EVC: variants seen among roughly 807,000 people sequenced by gnomAD.
EVC encodes the protein EvC ciliary complex subunit 1.
In EVC, 116 loss-of-function variants were observed where a neutral mutation model predicts 118.9. The observed-to-expected ratio is 0.98, with a 90% CI of 0.84 to 1.14. The LOEUF is 1.14. Among genes scored for constraint, EVC ranks in the 50% most tolerant of loss-of-function variants. EVC has a pLI of 0.00. For synonymous variants in EVC, 619 were observed against 534.7 expected, an observed-to-expected ratio of 1.16 and a Z score of -2.18; for missense variants, 1,401 against 1,246.4, an observed-to-expected ratio of 1.12 and a Z score of -1.87.
intron 8 of EVC, 30 bp from the exon 9 acceptor site, chr4:5,752,806 A>G: frequency 8.7e-6 from 14 of 1,610,744 alleles, no homozygotes; most frequent in Non-Finnish European, 1.2e-5. Flanking sequence ...AGGACACCCC[A>G]GCTATGGTCC....
rs561020265 is a variant in EVC, at chr4:5,714,734, A to G, written c.174+3180A>G. On this transcript the variant is annotated intron_variant, in intron 1 of 20. Transcript: ENST00000264956. ...AGTTAAGGATCAGTTGTGGTCATGAATACCTTCTTTTCTTGCACAACATTT... is the reference window on the plus strand; with the variant it reads ...AGTTAAGGATCAGTTGTGGTCATGAGTACCTTCTTTTCTTGCACAACATTT... Among the ~76,000 whole-genome samples the G allele has an allele frequency of 2.0e-5, 3 of 152,300 alleles. No individual in the cohort carries two copies. The East Asian group carries it at 5.8e-4, about 29-fold the overall frequency.
At chr4:5,791,546 C>T (rs1054734684) in intron 12 of EVC, among the ~76,000 whole-genome samples, 5 of 152,096 alleles carry the variant, frequency 3.3e-5, no homozygotes, top group South Asian at 2.1e-4. Flanking sequence ...CTTATTTCTC[C>T]TTCTAGTCTG....
At chr4:5,825,745 A>G in the EVC span, 1 of 1,427,048 alleles carries the variant, frequency 7.0e-7, no homozygotes, top group Non-Finnish European at 9.6e-7. This position sits in a 1 kb window ranked among gnomAD's most constrained non-coding sequence, Gnocchi z 4.4. Context: ...TGCGGGCGAG[A>G]GAGAAACCTG....
At chr4:5,786,865 C>T (rs571773359) in intron 12 of EVC, among the ~76,000 whole-genome samples, 1 of 139,656 alleles carries the variant, frequency 7.2e-6, no homozygotes, top group East Asian at 2.1e-4. Flanking sequence ...GAGCGAGACT[C>T]CGTCTCAAAA....
At chr4:5,728,201 A>G (rs539239335) in intron 2 of EVC, among the ~76,000 whole-genome samples, 2 of 152,330 alleles carry the variant, frequency 1.3e-5, no homozygotes, top group African/African-American at 4.8e-5. Flanking sequence ...CTTGCTACCC[A>G]TGAGCATGGA....
the EVC span, chr4:5,821,696 G>T: frequency 1.4e-6 from 2 of 1,467,812 alleles, no homozygotes; most frequent in South Asian, 1.2e-5. This position sits in a 1 kb window ranked among gnomAD's most constrained non-coding sequence, Gnocchi z 4.4. Flanking sequence ...CAAAAACACT[G>T]ACAGGAAAAG....
At chr4:5,725,128 G>A (rs1419519211) in intron 2 of EVC, among the ~76,000 whole-genome samples, 1 of 152,198 alleles carries the variant, frequency 6.6e-6, no homozygotes, top group Non-Finnish European at 1.5e-5. Flanking sequence ...CTCTATCAGT[G>A]ATGGGCTTTT....
Position 5,752,871 on chromosome 4 carries a change from G to A in EVC, c.1134G>A (p.Met378Ile). The change falls in exon 9 of 21, where the codon ATG (methionine) becomes ATA (isoleucine). Residue 378 changes from methionine (M) to isoleucine (I), a missense_variant. Physicochemically the swap from Met to Ile is conservative, Grantham distance 10. Transcript: ENST00000264956. ...AGAGGACGATGGGGCGGGCGCACAT[G>A]GCAAAAGTGATTGAGTTTCTGAAGC... is the stretch of plus-strand genomic sequence containing the variant. Reference protein sequence around the residue: ...ALERTMGRAHMAKVIEFLKLQ... With the variant: ...ALERTMGRAHIAKVIEFLKLQ... 6.2e-7 allele frequency: 1 copy of A among 1,614,216 alleles called. No homozygotes were observed. The highest frequency in any genetic ancestry group is 8.5e-7 in the Non-Finnish European group (1 of 1,180,020).
At position 5,754,198 on chromosome 4, in the gene EVC, G is replaced by A. The variant is rs369752299; in HGVS notation, c.1464+265G>A. Among the ~76,000 whole-genome samples the A allele has an allele frequency of 6.6e-6, 1 of 152,232 alleles. No homozygotes were observed. The highest frequency in any genetic ancestry group is 1.5e-5 in the Non-Finnish European group (1 of 68,044). ...TAGGATCCGTAGAGAGCTTGGCAGA[G>A]TGCAGACGCATGGCAGGAGCACACA... On this transcript the variant is annotated intron_variant, in intron 10 of 20. Coordinates refer to ENST00000264956, the MANE Select transcript of EVC (RefSeq NM_153717.3). This position sits in a 1 kb window ranked among gnomAD's most constrained non-coding sequence, Gnocchi z 5.8.
intron 11 of EVC, among the ~76,000 whole-genome samples, chr4:5,769,315 GACCC>G (rs1733574967): frequency 6.6e-6 from 1 of 152,062 alleles, no homozygotes; most frequent in South Asian, 2.1e-4. Context: ...GCATGGGAAA[GACCC>G]ACCCCAGTGA....
intron 13 of EVC, among the ~76,000 whole-genome samples, chr4:5,795,574 C>T (rs935727266): frequency 1.3e-5 from 2 of 152,182 alleles, no homozygotes; most frequent in Non-Finnish European, 2.9e-5. Context: ...ATTGCTTGAG[C>T]CCCAGAGGCG....
At chr4:5,784,754 C>T (rs545062435) in intron 12 of EVC, among the ~76,000 whole-genome samples, 6 of 151,730 alleles carry the variant, frequency 4.0e-5, no homozygotes, top group Non-Finnish European at 5.9e-5. Flanking sequence ...ATTACAGGCA[C>T]GTGCCACCAC....
At chr4:5,748,386 T>G in intron 8 of EVC, 80 bp downstream of exon 8, 1 of 1,492,988 alleles carries the variant, frequency 6.7e-7, no homozygotes, top group Non-Finnish European at 9.2e-7. Context: ...CATCCTTAAA[T>G]CTAACAGATT....
intron 11 of EVC, among the ~76,000 whole-genome samples, chr4:5,769,445 G>A (rs1442939359): frequency 1.3e-5 from 2 of 151,016 alleles, no homozygotes; most frequent in Non-Finnish European, 2.9e-5. Context: ...TGGTTCTCAG[G>A]GCTACAGAGA....
chr4:5,741,269 C>T (rs963233418), intron 5 of EVC, among the ~76,000 whole-genome samples: 3 of 152,198 alleles, frequency 2.0e-5, no homozygotes, highest in African/African-American at 7.2e-5. Context: ...AGGGTTCTTC[C>T]TAGTTTAAAG....
intron 5 of EVC, among the ~76,000 whole-genome samples, chr4:5,739,454 C>T (rs761876724): frequency 6.6e-6 from 1 of 152,128 alleles, no homozygotes; most frequent in African/African-American, 2.4e-5. Context: ...GGCATTTTCT[C>T]ATCTGTAAAA....
intron 6 of EVC, among the ~76,000 whole-genome samples, chr4:5,744,008 A>G (rs1490944356): frequency 6.6e-6 from 1 of 152,232 alleles, no homozygotes; most frequent in Non-Finnish European, 1.5e-5. Flanking sequence ...CATCTCTACG[A>G]GTTAAACAAG....
chr4:5,800,870 G>A (rs943230920), intron 15 of EVC, among the ~76,000 whole-genome samples: 2 of 152,180 alleles, frequency 1.3e-5, no homozygotes, highest in African/African-American at 4.8e-5. Flanking sequence ...CGCCACACCT[G>A]TGTGCTCAGG....
intron 1 of EVC, among the ~76,000 whole-genome samples, chr4:5,716,011 G>A (rs545743518): frequency 6.6e-6 from 1 of 152,304 alleles, no homozygotes; most frequent in East Asian, 1.9e-4. Context: ...CAGAGTGCTG[G>A]GATTACAGGC....
Sources: gnomAD v4.1 joint callset for allele counts (sites outside exome capture counted in the v4.1 genomes callset) on GRCh38, gnomAD v4.1.1 for gene constraint, Gnocchi (gnomAD v3.1) non-coding constraint, MANE v1.5 for transcripts, NCBI Gene and HGNC (gene_info 2026-07-23, HGNC 2026-07-21) for gene names.